MAP3K12: variants seen among roughly 807,000 people sequenced by gnomAD.
MAP3K12 encodes the protein mitogen-activated protein kinase kinase kinase 12.
Under a neutral mutation model 87.5 loss-of-function variants are expected in MAP3K12, and 14 were observed. The ratio of observed to expected loss-of-function variants is 0.16; its 90% CI spans 0.11 to 0.25. The LOEUF (loss-of-function observed/expected upper bound fraction) is 0.25. Ranked by LOEUF, MAP3K12 falls within the 10% of genes least tolerant of loss-of-function variation. MAP3K12 has a pLI of 1.00. For synonymous variants in MAP3K12, 469 were observed against 452.5 expected, an observed-to-expected ratio of 1.04 and a Z score of -0.46; for missense variants, 802 against 1,140.4, an observed-to-expected ratio of 0.70 and a Z score of 4.27.
At position 53,482,300 on chromosome 12, in the gene MAP3K12, T is replaced by C. The variant is rs1265323818; in HGVS notation, c.2308A>G (p.Arg770Gly). The change falls in exon 12 of 14, where the codon AGG becomes GGG. Residue 770 changes from arginine (R) to glycine (G), a missense_variant and splice_region_variant. By Grantham distance (125) the Arg-to-Gly change is moderately radical. Coordinates refer to ENST00000547488, the MANE Select transcript of MAP3K12 (RefSeq NM_001193511.2). The part of the protein sequence containing the change: ...DSEVELTSSQ[R>G]WPQSLNMRQS... ...AATTCTTGTAATGCCATCACTTACCTCTGGCTTGATGTCAGCTCTACTTCA... is the reference window on the plus strand; with the variant it reads ...AATTCTTGTAATGCCATCACTTACCCCTGGCTTGATGTCAGCTCTACTTCA... 1.2e-6 allele frequency: 2 copies of C among 1,614,024 alleles called. No individual in the cohort carries two copies. Among genetic ancestry groups the C allele is most frequent in the East Asian group, 2.2e-5 (1 of 44,888 alleles).
In MAP3K12 at chr12:53,483,502, CCTT is replaced by C. The variant is rs1555210921; in HGVS notation, c.1476-19_1476-17del. On this transcript the variant is annotated splice_polypyrimidine_tract_variant and intron_variant, in intron 9 of 13. Coordinates refer to ENST00000547488, the MANE Select transcript of MAP3K12 (RefSeq NM_001193511.2). Reference sequence around the variant, plus strand: ...TTGCTCTCGCCTAAAGATCCAGGCACCTTCTCAGCTGGGCAAATGACCAGGAAG... The same window carrying C: ...TTGCTCTCGCCTAAAGATCCAGGCACCTCAGCTGGGCAAATGACCAGGAAG... The C allele has an allele frequency of 6.2e-7, 1 of 1,614,020 alleles. No homozygotes were observed. Among genetic ancestry groups the C allele is most frequent in the Non-Finnish European group, 8.5e-7 (1 of 1,179,956 alleles).
chr12:53,501,538 A>G (rs1219975002), upstream of MAP3K12: 9 of 1,545,408 alleles, frequency 5.8e-6, no homozygotes, highest in Non-Finnish European at 7.9e-6. Flanking sequence ...CGGCCCCAGC[A>G]TGCACCTGGC....
chr12:53,483,098 A>T lies in MAP3K12; in HGVS notation c.1705T>A (p.Ser569Thr). The T allele has an allele frequency of 6.5e-7, 1 of 1,528,340 alleles. No individual in the cohort carries two copies. The highest frequency in any genetic ancestry group is 8.8e-7 in the Non-Finnish European group (1 of 1,140,310). 94.7% of individuals were successfully genotyped at this position (1,528,340 alleles called of 1,614,324 possible). A position where few individuals can be genotyped will look rare whatever the true frequency, so the allele number is the denominator to read the frequency against. Residue 569 changes from serine to threonine, a missense_variant, in exon 11 of 14, where the codon TCA (serine) becomes ACA (threonine). Physicochemically the swap from Ser to Thr is moderately conservative, Grantham distance 58. Coordinates refer to ENST00000547488, the MANE Select transcript of MAP3K12 (RefSeq NM_001193511.2). ...GLPGCPKGPP[S>T]PGRSRRGKTR... is the part of the protein sequence containing the mutation. ...TTGCCACGGCGACTCCGTCCTGGTG[A>T]GGGGGGGCCCTTAGGACACCCAGGA...
At position 53,487,437 on chromosome 12, in the gene MAP3K12, A is replaced by C; in HGVS notation, c.-37-9T>G. 2 of 1,556,866 alleles carry C rather than the reference A, an allele frequency of 1.3e-6. No homozygotes were observed. The highest frequency in any genetic ancestry group is 1.7e-6 in the Non-Finnish European group (2 of 1,151,954). On this transcript the variant is annotated splice_polypyrimidine_tract_variant and intron_variant, in intron 1 of 13. Transcript: ENST00000547488. The stretch of plus-strand genomic sequence containing the variant: ...ATGGTGAACACTGGGCCCTGTGGGA[A>C]TGAAGGAAGGAGGGGCTGGGCTGTT...
chr12:53,491,301 A>AAAAGAAAAAAAG (rs1555212342), intron 1 of MAP3K12, among the ~76,000 whole-genome samples: 3 of 101,568 alleles, frequency 3.0e-5, no homozygotes, highest in Admixed American at 1.3e-4. Context: ...AAAAAAAAAA[A>AAAAGAAAAAAAG]AAAAGAAAAG....
intron 1 of MAP3K12, among the ~76,000 whole-genome samples, chr12:53,489,969 C>T (rs1018658119): frequency 2.6e-5 from 4 of 152,196 alleles, no homozygotes; most frequent in African/African-American, 9.6e-5. Context: ...CCCTCCCTAA[C>T]CCCAATTCTC....
chr12:53,483,802 T>C, intron 8 of MAP3K12, 79 bp from the exon 9 acceptor site: 6 of 1,612,082 alleles, frequency 3.7e-6, no homozygotes, highest in Non-Finnish European at 5.1e-6. Flanking sequence ...AGAATTCCTG[T>C]CCACAGTCCT....
At chr12:53,494,663 CACTG>C (rs1238353230) in intron 1 of MAP3K12, among the ~76,000 whole-genome samples, 3 of 152,162 alleles carry the variant, frequency 2.0e-5, no homozygotes, top group Admixed American at 1.3e-4. Context: ...TGGGCTCTCA[CACTG>C]AGTGCTCTCC....
intron 8 of MAP3K12, 76 bp from the exon 9 acceptor site, chr12:53,483,799 C>T (rs1403576689): frequency 6.2e-6 from 10 of 1,612,276 alleles, no homozygotes; most frequent in Non-Finnish European, 6.8e-6. Context: ...CTCAGAATTC[C>T]TGTCCACAGT....
Position 53,481,270 on chromosome 12 carries a change from T to G in MAP3K12, c.2591A>C (p.Asn864Thr), listed in dbSNP as rs1017585939. ...GCTGTCACAGTCTGAGTCCTCAGAA[T>G]TGGGAGGGCCCTGTGAGAAAGAGTA... ...QELLRERGPPNSEDSDCDSTE... is the reference protein window; with the variant it reads ...QELLRERGPPTSEDSDCDSTE... Residue 864 changes from asparagine to threonine, a missense_variant, in exon 14 of 14, where the codon AAT (asparagine) becomes ACT (threonine). Transcript: ENST00000547488. 1.3e-6 allele frequency: 2 copies of G among 1,554,196 alleles called. No individual in the cohort carries two copies. Among genetic ancestry groups the G allele is most frequent in the African/African-American group, 2.8e-5 (2 of 71,346 alleles).
At chr12:53,500,422 C>T (rs1345263430), upstream of MAP3K12, 1 of 152,258 alleles carries the variant, frequency 6.6e-6, no homozygotes, top group Admixed American at 6.5e-5. Flanking sequence ...TCCTTCTAAT[C>T]CTGTCGTCCC....
At chr12:53,491,301 A>AAGAAAGAAAAAG (rs1555212341) in intron 1 of MAP3K12, among the ~76,000 whole-genome samples, 1 of 101,568 alleles carries the variant, frequency 9.8e-6, no homozygotes, top group Non-Finnish European at 1.9e-5. Flanking sequence ...AAAAAAAAAA[A>AAGAAAGAAAAAG]AAAAGAAAAG....
In MAP3K12 at chr12:53,486,422, C is replaced by T. The variant is rs1329383752; in HGVS notation, c.629+17G>A. Reference sequence around the variant, plus strand: ...AGCATAGTATCCCCAACACCCAGCCCCTGCCCTGGACCTCACTTGAAAGTG... The same window carrying T: ...AGCATAGTATCCCCAACACCCAGCCTCTGCCCTGGACCTCACTTGAAAGTG... On this transcript the variant is annotated intron_variant, in intron 3 of 13. Coordinates refer to ENST00000547488, the MANE Select transcript of MAP3K12 (RefSeq NM_001193511.2). The surrounding 1 kb of genome is among the most constrained non-coding windows in gnomAD (Gnocchi z 4.9). 2 of 1,613,330 alleles carry T rather than the reference C, an allele frequency of 1.2e-6. No homozygotes were observed. Among genetic ancestry groups the T allele is most frequent in the Non-Finnish European group, 1.7e-6 (2 of 1,179,488 alleles).
chr12:53,483,495 C>A lies in MAP3K12; in HGVS notation c.1476-9G>T. 1 of 1,614,006 alleles carries A rather than the reference C, an allele frequency of 6.2e-7. No homozygotes were observed. The highest frequency in any genetic ancestry group is 8.5e-7 in the Non-Finnish European group (1 of 1,179,978). ...CTAAAGCTTGCTCTCGCCTAAAGAT[C>A]CAGGCACCTTCTCAGCTGGGCAAAT... On this transcript the variant is annotated splice_polypyrimidine_tract_variant and intron_variant, in intron 9 of 13. Transcript: ENST00000547488.
intron 1 of MAP3K12, among the ~76,000 whole-genome samples, chr12:53,497,597 T>C (rs1943569063): frequency 6.6e-6 from 1 of 152,172 alleles, no homozygotes; most frequent in South Asian, 2.1e-4. Flanking sequence ...CCTGCTGGCA[T>C]CATCTCAACA....
upstream of MAP3K12, chr12:53,501,448 T>A (rs768952302): frequency 2.0e-5 from 32 of 1,569,070 alleles, no homozygotes; most frequent in African/African-American, 3.5e-4. Flanking sequence ...TACCACGGGC[T>A]GCGGGCTGCC....
chr12:53,483,827 A>G, intron 8 of MAP3K12, 84 bp downstream of exon 8: 2 of 1,610,682 alleles, frequency 1.2e-6, no homozygotes, highest in South Asian at 1.1e-5. Context: ...TAGTCCTTCC[A>G]CCCGCCCTGG....
intron 4 of MAP3K12, 157 bp downstream of exon 4, chr12:53,485,899 G>C: frequency 1.5e-6 from 1 of 661,920 alleles, no homozygotes; most frequent in African/African-American, 1.8e-5. Context: ...AAGGTGAGGG[G>C]CTCACTACAG....
chr12:53,482,615 G>A lies in MAP3K12; in HGVS notation c.2188C>T (p.His730Tyr), dbSNP rs1943097848. 1 of 1,613,860 alleles carries A rather than the reference G, an allele frequency of 6.2e-7. No individual in the cohort carries two copies. Among genetic ancestry groups the A allele is most frequent in the Non-Finnish European group, 8.5e-7 (1 of 1,179,992 alleles). ...GRGGSRAGSQ[H>Y]LTPAALLYRA... ...TACAGCAGTGCAGCTGGGGTCAAGT[G>A]CTGGGACCCAGCCCGGCTTCCTCCC... Residue 730 changes from histidine (H) to tyrosine (Y), a missense_variant, in exon 11 of 14, where the codon CAC becomes TAC. His to Tyr is a moderately conservative substitution (Grantham distance 83, BLOSUM62 2). Coordinates refer to ENST00000547488, the MANE Select transcript of MAP3K12 (RefSeq NM_001193511.2).
Sources: allele counts gnomAD v4.1 joint callset (sites outside exome capture counted in the v4.1 genomes callset), GRCh38; gene constraint gnomAD v4.1.1; non-coding constraint Gnocchi (gnomAD v3.1); transcripts MANE v1.5; gene names NCBI Gene and HGNC (gene_info 2026-07-23, HGNC 2026-07-21).